The following ALKBH1 variants were observed in gnomAD, a reference collection of about 807,000 sequenced individuals.
ALKBH1 encodes the protein alkB homolog 1, histone H2A dioxygenase.
Under a neutral mutation model 36.6 loss-of-function variants are expected in ALKBH1, and 31 were observed. The observed-to-expected ratio is 0.85, with a 90% CI of 0.64 to 1.14. The LOEUF is 1.14. Among genes scored for constraint, ALKBH1 ranks in the 50% most tolerant of loss-of-function variants. The probability of loss-of-function intolerance (pLI) is 0.00; values close to 1 mark genes in which losing one functional copy is unlikely to be tolerated. For missense variants in ALKBH1, 490 were observed against 497.3 expected, an observed-to-expected ratio of 0.99 and a Z score of 0.14; for synonymous variants, 183 against 186.6, an observed-to-expected ratio of 0.98 and a Z score of 0.16.
rs145821359 is a variant in ALKBH1 at position 77,702,695 on chromosome 14, A to T, written c.292+1674T>A. Reference sequence around the variant, plus strand: ...AGCTACCTAACATTACTAAATTTAAAATTGCAGACGAATCTATTCTGCAAA... The same window carrying T: ...AGCTACCTAACATTACTAAATTTAATATTGCAGACGAATCTATTCTGCAAA... On this transcript the variant is annotated intron_variant, in intron 2 of 5. Transcript: ENST00000216489. 3.2e-4 allele frequency among the ~76,000 whole-genome samples: 49 copies of T among 152,138 alleles called. No homozygotes were observed. In the East Asian group the frequency reaches 7.9e-3, roughly 25 times the overall value.
rs146924402 is a variant in ALKBH1, at chr14:77,673,847, C to T, written c.1135G>A (p.Glu379Lys). Residue 379 changes from glutamate to lysine, a missense_variant, in exon 6 of 6, where the codon GAA (glutamate) becomes AAA (lysine). Transcript: ENST00000216489. ...GFCHLDDQNSEVKRARINPDS is the reference protein window; with the variant it reads ...GFCHLDDQNSKVKRARINPDS ...GGGTTTATCCTGGCCCGTTTTACTT[C>T]GCTATTCTGGTCATCCAGATGGCAG... is the stretch of plus-strand genomic sequence containing the variant. 2.8e-4 allele frequency: 456 copies of T among 1,614,136 alleles called. 3 individuals are homozygous for T. The highest frequency in any genetic ancestry group is 1.9e-3 in the South Asian group (170 of 91,082).
At position 77,679,876 on chromosome 14, in the gene ALKBH1, A is replaced by G; in HGVS notation, c.546+4T>C. ...AAACAAAAGAATTAAGAAAACCTGA[A>G]TACCTTACTGTCCCAGTTATAATGG... On this transcript the variant is annotated splice_donor_region_variant and intron_variant, in intron 4 of 5. Transcript: ENST00000216489. 1 of 1,612,416 alleles carries G rather than the reference A, an allele frequency of 6.2e-7. No individual in the cohort carries two copies. Among genetic ancestry groups the G allele is most frequent in the Non-Finnish European group, 8.5e-7 (1 of 1,178,512 alleles).
chr14:77,695,253 T>G (rs187118262), intron 2 of ALKBH1, among the ~76,000 whole-genome samples: 1 of 152,350 alleles, frequency 6.6e-6, no homozygotes, highest in South Asian at 2.1e-4. Context: ...ATTACAGGCA[T>G]GATTACACGA....
intron 3 of ALKBH1, among the ~76,000 whole-genome samples, chr14:77,684,368 CTTTTTTT>C (rs56038207): frequency 6.7e-6 from 1 of 148,896 alleles, no homozygotes; most frequent in Admixed American, 6.7e-5. Flanking sequence ...TATTCTTTTT[CTTTTTTT>C]TTTTAGACGG....
At chr14:77,690,564 G>C (rs1249631159) in intron 3 of ALKBH1, among the ~76,000 whole-genome samples, 2 of 152,208 alleles carry the variant, frequency 1.3e-5, no homozygotes, top group East Asian at 1.9e-4. Context: ...TGGCAGCTTA[G>C]ACCAAGGCAG....
chr14:77,688,945 T>C (rs1335577617), intron 3 of ALKBH1, among the ~76,000 whole-genome samples: 2 of 152,186 alleles, frequency 1.3e-5, no homozygotes, highest in African/African-American at 2.4e-5. Flanking sequence ...CAGAGTTATT[T>C]TTCTGAAGTG....
intron 2 of ALKBH1, chr14:77,697,129 TC>T (rs1306358078): frequency 5.2e-6 from 1 of 191,872 alleles, no homozygotes; most frequent in Non-Finnish European, 1.1e-5. Flanking sequence ...CAGTGACCTG[TC>T]CTAACTGTGA....
chr14:77,686,945 T>A (rs966993748), intron 3 of ALKBH1, among the ~76,000 whole-genome samples: 1 of 151,812 alleles, frequency 6.6e-6, no homozygotes, highest in Non-Finnish European at 1.5e-5. Context: ...AGTGTTTGAG[T>A]GCTTCCAGTT....
chr14:77,694,648 T>G (rs17825434), intron 3 of ALKBH1, 90 bp downstream of exon 3: 225,256 of 1,116,816 alleles, frequency 0.2, 24,139 homozygotes, highest in Middle Eastern at 0.23. Context: ...AGCCAGTCAC[T>G]TTTACTGCAT....
chr14:77,680,262 A>G (rs2080229460), intron 3 of ALKBH1, among the ~76,000 whole-genome samples: 1 of 152,200 alleles, frequency 6.6e-6, no homozygotes, highest in Non-Finnish European at 1.5e-5. Flanking sequence ...GACAACAATG[A>G]CAAGAGAAAT....
At chr14:77,696,808 A>C (rs1486564516) in intron 2 of ALKBH1, 1 of 152,736 alleles carries the variant, frequency 6.5e-6, no homozygotes, top group Non-Finnish European at 1.5e-5. Flanking sequence ...TGGTGGAGGG[A>C]TACTCCTCTG....
chr14:77,683,565 G>A (rs1029647109), intron 3 of ALKBH1: 7 of 521,742 alleles, frequency 1.3e-5, no homozygotes, highest in Admixed American at 7.9e-5. Flanking sequence ...CCTTAATGTC[G>A]ACAACATCAT....
At chr14:77,681,272 C>A (rs2267759) in intron 3 of ALKBH1, among the ~76,000 whole-genome samples, 3 of 151,902 alleles carry the variant, frequency 2.0e-5, no homozygotes, top group Admixed American at 6.6e-5. Flanking sequence ...TTGAGGGGCA[C>A]GAGAATTAAG....
At chr14:77,683,618 C>G (rs556207246) in intron 3 of ALKBH1, 2 of 351,120 alleles carry the variant, frequency 5.7e-6, no homozygotes, top group South Asian at 5.8e-5. Flanking sequence ...GTCACCTAGG[C>G]TGGAGTGCAG....
chr14:77,692,322 C>A (rs1255747752), intron 3 of ALKBH1, among the ~76,000 whole-genome samples: 1 of 150,800 alleles, frequency 6.6e-6, no homozygotes, highest in East Asian at 1.9e-4. Flanking sequence ...TAGTGCTCTA[C>A]ATTAGTGGTT....
chr14:77,686,515 G>A (rs566458183), intron 3 of ALKBH1, among the ~76,000 whole-genome samples: 1 of 152,230 alleles, frequency 6.6e-6, no homozygotes, highest in Non-Finnish European at 1.5e-5. Context: ...GAAGGATGAT[G>A]GATGGGTGGG....
chr14:77,678,907 C>A (rs570772624), intron 4 of ALKBH1, among the ~76,000 whole-genome samples: 3 of 152,178 alleles, frequency 2.0e-5, no homozygotes, highest in African/African-American at 7.2e-5. Flanking sequence ...CCTCTGCCTC[C>A]CAGGCTCAAG....
At chr14:77,681,990 C>T (rs1476757270) in intron 3 of ALKBH1, among the ~76,000 whole-genome samples, 1 of 152,174 alleles carries the variant, frequency 6.6e-6, no homozygotes, top group Non-Finnish European at 1.5e-5. Context: ...GCTTTGTATG[C>T]TTTCACTGTG....
chr14:77,682,685 CAA>C (rs919959634), intron 3 of ALKBH1, among the ~76,000 whole-genome samples: 2 of 152,070 alleles, frequency 1.3e-5, no homozygotes, highest in African/African-American at 2.4e-5. Context: ...ATCTAAATGG[CAA>C]AGAGTCTTCT....
Sources: allele counts gnomAD v4.1 joint callset (sites outside exome capture counted in the v4.1 genomes callset), GRCh38; gene constraint gnomAD v4.1.1; transcripts MANE v1.5; gene names NCBI Gene and HGNC (gene_info 2026-07-23, HGNC 2026-07-21).